CTNNA3: variants seen among roughly 807,000 people sequenced by gnomAD.
The protein encoded by CTNNA3 is catenin alpha 3, also known as catenin alpha-3.
A neutral mutation model predicts 95.7 loss-of-function variants in CTNNA3; 76 were observed. The ratio of observed to expected loss-of-function variants is 0.79; its 90% CI spans 0.66 to 0.96. CTNNA3 has a LOEUF of 0.96. Ranked by LOEUF, CTNNA3 falls within the 40% of genes least tolerant of loss-of-function variation. The probability of loss-of-function intolerance (pLI) is 0.00; values close to 1 mark genes in which losing one functional copy is unlikely to be tolerated. For missense variants in CTNNA3, 1,191 were observed against 1,089.8 expected (o/e 1.09, Z -1.31); for synonymous variants, 431 against 374.4 (o/e 1.15, Z -1.74).
chr10:66,061,146 C>T (rs994129770), intron 15 of CTNNA3, among the ~76,000 whole-genome samples: 6 of 152,048 alleles, frequency 3.9e-5, no homozygotes, highest in Non-Finnish European at 7.4e-5. Context: ...AAGGAGAAAT[C>T]ATGTTTTCAA....
intron 1 of CTNNA3, among the ~76,000 whole-genome samples, chr10:67,755,347 TG>T (rs1841427108): frequency 6.6e-6 from 1 of 151,804 alleles, no homozygotes; most frequent in Admixed American, 6.6e-5. Context: ...AAGCAATAAC[TG>T]ATGCTGGCAA....
At chr10:67,321,067 T>C (rs950239319) in intron 5 of CTNNA3, among the ~76,000 whole-genome samples, 2 of 152,222 alleles carry the variant, frequency 1.3e-5, no homozygotes, top group Non-Finnish European at 2.9e-5. Context: ...GAATCTTGAT[T>C]TCTTTGCAGA....
intron 10 of CTNNA3, among the ~76,000 whole-genome samples, chr10:66,607,472 C>CA (rs574854850): frequency 0.099 from 4,378 of 44,362 alleles, 170 homozygotes; most frequent in East Asian, 0.25. Context: ...CAGAGACAAC[C>CA]AAAAAAAAAA....
At chr10:66,183,919 GA>G (rs1183180068) in intron 13 of CTNNA3, among the ~76,000 whole-genome samples, 1 of 151,942 alleles carries the variant, frequency 6.6e-6, no homozygotes, top group African/African-American at 2.4e-5. Context: ...TTATTGAATT[GA>G]AGGTGTTTTT....
intron 13 of CTNNA3, among the ~76,000 whole-genome samples, chr10:66,149,605 ATAAAG>A (rs145570096): frequency 0.15 from 22,672 of 151,670 alleles, 2,115 homozygotes; most frequent in Non-Finnish European, 0.2. Context: ...CACTTTTAAA[ATAAAG>A]TATTCTTGAT....
intron 7 of CTNNA3, among the ~76,000 whole-genome samples, chr10:66,986,886 A>C (rs1289522579): frequency 6.6e-6 from 1 of 152,202 alleles, no homozygotes; most frequent in East Asian, 1.9e-4. Flanking sequence ...CTGTGAATAC[A>C]GAAGTGCACC....
intron 7 of CTNNA3, among the ~76,000 whole-genome samples, chr10:67,039,900 T>C (rs1304673705): frequency 6.6e-6 from 1 of 152,172 alleles, no homozygotes; most frequent in East Asian, 1.9e-4. Flanking sequence ...TCTGAATTTC[T>C]ATGTCTTAGA....
At chr10:67,371,999 A>T (rs1261627052) in intron 5 of CTNNA3, among the ~76,000 whole-genome samples, 1 of 151,196 alleles carries the variant, frequency 6.6e-6, no homozygotes, top group East Asian at 1.9e-4. Flanking sequence ...GCATTTTTTC[A>T]TCTGTCTGTT....
chr10:66,143,329 T>C (rs936824235), intron 13 of CTNNA3, among the ~76,000 whole-genome samples: 20 of 152,138 alleles, frequency 1.3e-4, no homozygotes, highest in African/African-American at 4.8e-5. Context: ...AAAATCAGGT[T>C]TTTAAAAAAT....
chr10:66,157,438 TA>T (rs2084577307), intron 13 of CTNNA3, among the ~76,000 whole-genome samples: 1 of 151,476 alleles, frequency 6.6e-6, no homozygotes, highest in East Asian at 1.9e-4. Context: ...GGTAGATAGA[TA>T]GATAGATGAT....
intron 10 of CTNNA3, among the ~76,000 whole-genome samples, chr10:66,549,707 C>T (rs994635499): frequency 5.9e-5 from 9 of 152,118 alleles, no homozygotes; most frequent in Non-Finnish European, 1.3e-4. Context: ...GAAACATTTT[C>T]TAATTATCTT....
At position 67,517,019 on chromosome 10, in the gene CTNNA3, GTTTCA is replaced by G. The variant is rs1280214827; in HGVS notation, c.579+4818_579+4822del. ...TCATCTGTTAATAGACACTTAGGTTGTTTCAATATCTTGGCTGTTGTGAATAATGC... is the reference window on the plus strand; with the variant it reads ...TCATCTGTTAATAGACACTTAGGTTGATATCTTGGCTGTTGTGAATAATGC... On this transcript the variant is annotated intron_variant, in intron 5 of 17. Coordinates refer to ENST00000433211, the MANE Select transcript of CTNNA3 (RefSeq NM_013266.4). 3.9e-5 allele frequency among the ~76,000 whole-genome samples: 6 copies of G among 152,114 alleles called. No homozygotes were observed. In the East Asian group the frequency reaches 1.2e-3, roughly 29 times the overall value.
intron 5 of CTNNA3, among the ~76,000 whole-genome samples, chr10:67,472,006 G>A (rs775722698): frequency 2.0e-5 from 3 of 151,980 alleles, no homozygotes; most frequent in Non-Finnish European, 4.4e-5. Flanking sequence ...AAATCAAATC[G>A]TACCAAAAAT....
chr10:66,755,087 A>C (rs1214420301), intron 9 of CTNNA3, among the ~76,000 whole-genome samples: 1 of 152,182 alleles, frequency 6.6e-6, no homozygotes, highest in Non-Finnish European at 1.5e-5. Flanking sequence ...ATGAACAGAG[A>C]ATGAAATGCA....
intron 9 of CTNNA3, among the ~76,000 whole-genome samples, chr10:66,742,868 TA>T (rs1400999259): frequency 6.6e-6 from 1 of 152,222 alleles, no homozygotes; most frequent in East Asian, 1.9e-4. Flanking sequence ...TGGAATATTT[TA>T]ATATGTAAAC....
intron 7 of CTNNA3, among the ~76,000 whole-genome samples, chr10:67,173,491 G>A (rs1404245940): frequency 6.6e-6 from 1 of 152,058 alleles, no homozygotes; most frequent in Admixed American, 6.6e-5. Flanking sequence ...TTCTTTATAT[G>A]TTTCCTTATA....
intron 1 of CTNNA3, among the ~76,000 whole-genome samples, chr10:67,717,991 C>T (rs1370951749): frequency 6.6e-6 from 1 of 152,166 alleles, no homozygotes; most frequent in Non-Finnish European, 1.5e-5. Context: ...TCTTTTATTT[C>T]CTTGAGCAAT....
At chr10:66,850,670 TC>T (rs1297093932) in intron 7 of CTNNA3, among the ~76,000 whole-genome samples, 1 of 152,140 alleles carries the variant, frequency 6.6e-6, no homozygotes, top group African/African-American at 2.4e-5. Flanking sequence ...CCATTTTTTT[TC>T]AAGCTGGGTA....
intron 9 of CTNNA3, among the ~76,000 whole-genome samples, chr10:66,700,598 T>C (rs1847912214): frequency 6.6e-6 from 1 of 152,220 alleles, no homozygotes; most frequent in Non-Finnish European, 1.5e-5. Context: ...TTCTCAAGAT[T>C]GTTTTGGCTA....
Sources: gnomAD v4.1 joint callset for allele counts (sites outside exome capture counted in the v4.1 genomes callset) on GRCh38, gnomAD v4.1.1 for gene constraint, MANE v1.5 for transcripts, NCBI Gene and HGNC (gene_info 2026-07-23, HGNC 2026-07-21) for gene names.